The following HOMER1 variants were observed in gnomAD, a reference collection of about 807,000 sequenced individuals.
HOMER1 encodes homer scaffold protein 1, also known as homer protein homolog 1.
A neutral mutation model predicts 48.9 loss-of-function variants in HOMER1; 3 were observed. That is an observed-to-expected ratio of 0.06 (90% CI 0.03 to 0.16). The LOEUF (loss-of-function observed/expected upper bound fraction) is 0.16. Among genes scored for constraint, HOMER1 ranks in the 10% least tolerant of loss-of-function variants. The pLI is 1.00. For synonymous variants in HOMER1, 134 were observed against 146.4 expected, an observed-to-expected ratio of 0.92 and a Z score of 0.61; for missense variants, 247 against 411.4, an observed-to-expected ratio of 0.60 and a Z score of 3.46.
At chr5:79,502,970 TAA>T (rs1752640041) in intron 1 of HOMER1, among the ~76,000 whole-genome samples, 1 of 145,832 alleles carries the variant, frequency 6.9e-6, no homozygotes. Context: ...TTTTGTATTT[TAA>T]GTAGAGACAG....
intron 5 of HOMER1, among the ~76,000 whole-genome samples, chr5:79,413,586 C>T (rs1008108152): frequency 1.3e-5 from 2 of 151,954 alleles, no homozygotes. Context: ...CTCACGCCCC[C>T]ACCCCCTACC....
chr5:79,497,534 A>G (rs1752461164), intron 1 of HOMER1, among the ~76,000 whole-genome samples: 1 of 151,786 alleles, frequency 6.6e-6, no homozygotes, highest in South Asian at 2.1e-4. Context: ...GGCATGGTGT[A>G]CTCATCTGTA....
intron 2 of HOMER1, among the ~76,000 whole-genome samples, chr5:79,453,471 C>T (rs551365560): frequency 8.5e-5 from 13 of 152,140 alleles, no homozygotes; most frequent in Non-Finnish European, 1.3e-4. Flanking sequence ...CTCTGTATTA[C>T]TTGTTCTTTA....
chr5:79,454,492 T>C (rs538003742), intron 2 of HOMER1, among the ~76,000 whole-genome samples: 2 of 152,158 alleles, frequency 1.3e-5, no homozygotes, highest in Admixed American at 6.5e-5. Context: ...TTATAATATC[T>C]AGTATCTGTC....
intron 7 of HOMER1, among the ~76,000 whole-genome samples, chr5:79,397,245 C>T (rs1749411240): frequency 6.6e-6 from 1 of 152,064 alleles, no homozygotes; most frequent in Admixed American, 6.6e-5. Flanking sequence ...TTTTAAAATC[C>T]ATTTAACCCC....
intron 1 of HOMER1, among the ~76,000 whole-genome samples, chr5:79,477,144 G>A (rs1751802295): frequency 6.6e-6 from 1 of 152,146 alleles, no homozygotes; most frequent in South Asian, 2.1e-4. Flanking sequence ...AAAATTATGA[G>A]CCAGGAACTG....
chr5:79,439,569 G>T (rs1378642943), intron 4 of HOMER1, among the ~76,000 whole-genome samples: 1 of 152,104 alleles, frequency 6.6e-6, no homozygotes, highest in East Asian at 1.9e-4. Flanking sequence ...AATGGAAGGG[G>T]TACAGGAGAA....
At chr5:79,430,044 A>G (rs1015897187) in intron 5 of HOMER1, among the ~76,000 whole-genome samples, 2 of 151,364 alleles carry the variant, frequency 1.3e-5, no homozygotes, top group Non-Finnish European at 2.9e-5. Flanking sequence ...AAATTAAAAC[A>G]TTTGTGCTGC....
intron 1 of HOMER1, among the ~76,000 whole-genome samples, chr5:79,500,446 T>C (rs1403550068): frequency 6.6e-6 from 1 of 152,086 alleles, no homozygotes; most frequent in East Asian, 1.9e-4. Context: ...AGTTCCCAGA[T>C]ACCATTAGGA....
At chr5:79,429,992 C>T (rs1182617581) in intron 5 of HOMER1, among the ~76,000 whole-genome samples, 6 of 149,840 alleles carry the variant, frequency 4.0e-5, no homozygotes, top group Non-Finnish European at 8.9e-5. Context: ...CACTGCACTC[C>T]AGCCTGGGGG....
intron 1 of HOMER1, among the ~76,000 whole-genome samples, chr5:79,467,368 G>A (rs1030572335): frequency 8.9e-6 from 1 of 112,322 alleles, no homozygotes; most frequent in Admixed American, 1.2e-4. Flanking sequence ...TCCAGCCTGC[G>A]CAACAAGAGT....
chr5:79,462,714 T>C (rs1049552875), intron 1 of HOMER1, among the ~76,000 whole-genome samples: 2 of 152,206 alleles, frequency 1.3e-5, no homozygotes, highest in African/African-American at 2.4e-5. Flanking sequence ...CAGTTAACAT[T>C]CATCACTTGG....
chr5:79,429,952 C>T (rs1243487172), intron 5 of HOMER1, among the ~76,000 whole-genome samples: 7 of 150,762 alleles, frequency 4.6e-5, no homozygotes, highest in Admixed American at 4.6e-4. Flanking sequence ...GAACCCAGGC[C>T]GCAGAGCTTG....
intron 1 of HOMER1, among the ~76,000 whole-genome samples, chr5:79,500,963 G>GACAGACACACAC (rs1426979946): frequency 9.8e-6 from 1 of 101,602 alleles, no homozygotes; most frequent in African/African-American, 3.4e-5. Flanking sequence ...GAGACAGACA[G>GACAGACACACAC]ACACACACAC....
chr5:79,458,539 T>C (rs907894867), intron 1 of HOMER1, among the ~76,000 whole-genome samples: 2 of 151,692 alleles, frequency 1.3e-5, no homozygotes, highest in Non-Finnish European at 2.9e-5. Flanking sequence ...GCTCTTAAGG[T>C]TAATAAAAGG....
Position 79,434,883 on chromosome 5 carries a change from G to A in HOMER1, c.527+4127C>T, listed in dbSNP as rs1750532070. ...GGTAATCTATAATGCCACTGAATCA[G>A]GTATGATATAAAAAGTTGTAATAGC... On this transcript the variant is annotated intron_variant, in intron 5 of 8. Coordinates refer to ENST00000334082, the MANE Select transcript of HOMER1 (RefSeq NM_004272.5). Among the ~76,000 whole-genome samples, 3 of 152,080 alleles carry A rather than the reference G, an allele frequency of 2.0e-5. No homozygotes were observed. The South Asian group carries it at 6.2e-4, about 32-fold the overall frequency.
At chr5:79,396,251 T>C (rs956843242) in intron 8 of HOMER1, among the ~76,000 whole-genome samples, 4 of 152,020 alleles carry the variant, frequency 2.6e-5, no homozygotes, top group African/African-American at 9.7e-5. Context: ...TTGTGTTCCA[T>C]TAGGGCACAA....
chr5:79,393,370 C>CT, intron 8 of HOMER1, among the ~76,000 whole-genome samples: 1 of 152,200 alleles, frequency 6.6e-6, no homozygotes, highest in Middle Eastern at 3.4e-3. Context: ...AAGACCTAAA[C>CT]TAAAAATAGA....
At chr5:79,434,785 T>C (rs1027177347) in intron 5 of HOMER1, among the ~76,000 whole-genome samples, 2 of 152,164 alleles carry the variant, frequency 1.3e-5, no homozygotes, top group Non-Finnish European at 2.9e-5. Context: ...CTAAGGAGTA[T>C]TGAGCAGCTC....
Sources: gnomAD v4.1 joint callset for allele counts (sites outside exome capture counted in the v4.1 genomes callset) on GRCh38, gnomAD v4.1.1 for gene constraint, MANE v1.5 for transcripts, NCBI Gene and HGNC (gene_info 2026-07-23, HGNC 2026-07-21) for gene names.